Variants in C1orf141 observed in about 807,000 individuals in gnomAD.
C1orf141 encodes uncharacterized protein C1orf141.
In C1orf141, 19 loss-of-function variants were observed where a neutral mutation model predicts 23.2. That is an observed-to-expected ratio of 0.82 (90% confidence interval 0.57 to 1.20). The LOEUF is 1.20. Among genes scored for constraint, C1orf141 ranks in the 50% most tolerant of loss-of-function variants. The probability of loss-of-function intolerance (pLI) is 0.00; values close to 1 mark genes in which losing one functional copy is unlikely to be tolerated. For synonymous variants in C1orf141, 153 were observed against 154.6 expected (o/e 0.99, Z 0.08); for missense variants, 469 against 455.1 (o/e 1.03, Z -0.28).
intron 5 of C1orf141, among the ~76,000 whole-genome samples, chr1:67,100,241 C>T (rs1645766955): frequency 6.6e-6 from 1 of 152,102 alleles, no homozygotes; most frequent in Non-Finnish European, 1.5e-5. Flanking sequence ...GTGTTGGATA[C>T]CTGTTTTCTT....
In C1orf141 at chr1:67,093,253, G is replaced by T. The variant is rs1371743621; in HGVS notation, c.955C>A (p.Gln319Lys). Residue 319 changes from glutamine to lysine, a missense_variant, in exon 8 of 8, where the codon CAG becomes AAG. Around this residue, in one of 3 missense-constraint regions of C1orf141, gnomAD observed 370 missense variants for 348.1 expected, o/e 1.06. Coordinates refer to ENST00000684719, the MANE Select transcript of C1orf141 (RefSeq NM_001276351.2). ...RSWNTLYNFS[Q>K]NFSSLTKQFV... is the part of the protein sequence containing the mutation. ...TGTTTTGTTAGGCTAGAAAAATTCTGTGAGAAATTATAGAGTGTATTCCAA... is the reference window on the plus strand; with the variant it reads ...TGTTTTGTTAGGCTAGAAAAATTCTTTGAGAAATTATAGAGTGTATTCCAA... 1 of 1,613,840 alleles carries T rather than the reference G, an allele frequency of 6.2e-7. No homozygotes were observed.
At chr1:67,138,565 A>G (rs1329956156), upstream of C1orf141, among the ~76,000 whole-genome samples, 1 of 151,732 alleles carries the variant, frequency 6.6e-6, no homozygotes, top group African/African-American at 2.4e-5. Flanking sequence ...TTTCCTTCCT[A>G]GGCTTGACAT....
At chr1:67,096,897 A>G (rs1446506483) in intron 5 of C1orf141, among the ~76,000 whole-genome samples, 1 of 152,212 alleles carries the variant, frequency 6.6e-6, no homozygotes, top group African/African-American at 2.4e-5. Flanking sequence ...TTATTTGTAC[A>G]GTATACTGGA....
At position 67,115,132 on chromosome 1, in the gene C1orf141, T is replaced by C. The variant is rs571849107; in HGVS notation, c.346+220A>G. Among the ~76,000 whole-genome samples the C allele has an allele frequency of 5.6e-5, 7 of 124,726 alleles. 1 individual carries two copies. In the South Asian group the frequency reaches 1.7e-3, roughly 30 times the overall value. The allele number at this position is 124,726 out of a possible 152,430, so 81.8% of individuals were successfully genotyped here. A position where few individuals can be genotyped will look rare whatever the true frequency, so the allele number is the denominator to read the frequency against. Reference sequence around the variant, plus strand: ...TAGAAGAAAACAACACATAACACTATAAACATAAAAATATATTCCTATTTT... The same window carrying C: ...TAGAAGAAAACAACACATAACACTACAAACATAAAAATATATTCCTATTTT... On this transcript the variant is annotated intron_variant, in intron 5 of 7. Coordinates refer to ENST00000684719, the MANE Select transcript of C1orf141 (RefSeq NM_001276351.2).
intron 4 of C1orf141, among the ~76,000 whole-genome samples, chr1:67,121,242 A>T (rs1368740650): frequency 6.6e-6 from 1 of 152,206 alleles, no homozygotes; most frequent in South Asian, 2.1e-4. Context: ...TTGCTGAACC[A>T]AATAATAGTT....
chr1:67,126,515 T>C (rs182760336), intron 3 of C1orf141, among the ~76,000 whole-genome samples: 3 of 152,256 alleles, frequency 2.0e-5, no homozygotes, highest in South Asian at 4.1e-4. Flanking sequence ...TCAAAGGATA[T>C]GGGGGACTTC....
intron 5 of C1orf141, among the ~76,000 whole-genome samples, chr1:67,114,391 A>T (rs1234398691): frequency 6.6e-6 from 1 of 152,222 alleles, no homozygotes; most frequent in Non-Finnish European, 1.5e-5. Flanking sequence ...ACATTCAAAG[A>T]TAATAAGACA....
intron 6 of C1orf141, chr1:67,096,003 A>C (rs544573208): frequency 2.8e-5 from 8 of 282,640 alleles, no homozygotes; most frequent in Non-Finnish European, 5.4e-5. Context: ...ATGTAAGTAA[A>C]TGTGTGTATT....
Position 67,125,859 on chromosome 1 carries a change from C to T in C1orf141, c.126G>A (p.Leu42=). ...EGRKTTMAIP[L]TFDFQLEFEE... is the part of the protein sequence containing the mutation. The stretch of plus-strand genomic sequence containing the variant: ...CAAATTCCAACTGAAAATCAAATGT[C>T]AGGGGTATAGCCATAGTTGTTTTTC... Residue 42 remains leucine, a synonymous_variant, in exon 4 of 8, where the codon CTG becomes CTA. Transcript: ENST00000684719. The T allele has an allele frequency of 6.2e-7, 1 of 1,607,932 alleles. No individual in the cohort carries two copies. Among genetic ancestry groups the T allele is most frequent in the Non-Finnish European group, 8.5e-7 (1 of 1,178,906 alleles).
chr1:67,103,322 A>G (rs1558188677), intron 5 of C1orf141: 3 of 1,491,226 alleles, frequency 2.0e-6, no homozygotes, highest in Non-Finnish European at 2.7e-6. Flanking sequence ...GAACCCAGTG[A>G]TCTTCTACAT....
chr1:67,125,464 T>C (rs1469131683), intron 4 of C1orf141, among the ~76,000 whole-genome samples: 1 of 152,074 alleles, frequency 6.6e-6, no homozygotes, highest in African/African-American at 2.4e-5. Flanking sequence ...TTGGGAAGCC[T>C]AGGTGGGTGG....
chr1:67,102,126 C>T (rs761258233), intron 5 of C1orf141, among the ~76,000 whole-genome samples: 2 of 151,926 alleles, frequency 1.3e-5, no homozygotes, highest in South Asian at 2.1e-4. Context: ...TCATGTCTTG[C>T]GAAATCAATT....
At chr1:67,098,584 C>T (rs2102420421) in intron 5 of C1orf141, among the ~76,000 whole-genome samples, 1 of 152,074 alleles carries the variant, frequency 6.6e-6, no homozygotes, top group African/African-American at 2.4e-5. Context: ...ACAAAATCTA[C>T]AAGAGGGTCA....
intron 4 of C1orf141, among the ~76,000 whole-genome samples, chr1:67,124,251 A>C (rs1646359150): frequency 6.6e-6 from 1 of 152,238 alleles, no homozygotes; most frequent in Non-Finnish European, 1.5e-5. Flanking sequence ...GGCCTTAATC[A>C]GAATACTTAC....
At chr1:67,136,293 G>A (rs1330819767), upstream of C1orf141, among the ~76,000 whole-genome samples, 2 of 152,120 alleles carry the variant, frequency 1.3e-5, no homozygotes, top group Non-Finnish European at 2.9e-5. Context: ...CTCTTGCCTT[G>A]TTCTCCCAAA....
In C1orf141 at chr1:67,095,339, C is replaced by A; in HGVS notation, c.499G>T (p.Val167Leu). Residue 167 changes from valine (V) to leucine (L), a missense_variant, in exon 7 of 8, where the codon GTA becomes TTA. Coordinates refer to ENST00000684719, the MANE Select transcript of C1orf141 (RefSeq NM_001276351.2). ...AACGGGAGCAAGCTTTTCTTTCTTA[C>A]TGACCTATACTTACTTAATTGATAA... ...RNYQLSKYRS[V>L]RKKSLLPLCF... is the part of the protein sequence containing the mutation. The A allele has an allele frequency of 6.3e-7, 1 of 1,585,132 alleles. No homozygotes were observed. Among genetic ancestry groups the A allele is most frequent in the African/African-American group, 1.4e-5 (1 of 73,972 alleles).
chr1:67,123,785 T>G (rs556765846), intron 4 of C1orf141: 4 of 152,302 alleles, frequency 2.6e-5, no homozygotes, highest in African/African-American at 9.6e-5. Context: ...CCTGCCACGG[T>G]TTCATCAATG....
chr1:67,112,888 A>C (rs1646105974), intron 5 of C1orf141, among the ~76,000 whole-genome samples: 1 of 152,206 alleles, frequency 6.6e-6, no homozygotes, highest in Non-Finnish European at 1.5e-5. Context: ...AAGTTGCATG[A>C]ATAGAGTATT....
Position 67,096,235 on chromosome 1 carries a change from A to C in C1orf141, c.416+17T>G. 1 of 1,182,662 alleles carries C rather than the reference A, an allele frequency of 8.5e-7. No homozygotes were observed. The highest frequency in any genetic ancestry group is 1.2e-6 in the Non-Finnish European group (1 of 814,356). The allele number at this position is 1,182,662 out of a possible 1,614,324, so 73.3% of individuals were successfully genotyped here. On this transcript the variant is annotated intron_variant, in intron 6 of 7. Transcript: ENST00000684719. ...CATTAAACAGAACAAAGTATTAAGCATTTTAAAATAAATTACCTTTTATTT... is the reference window on the plus strand; with the variant it reads ...CATTAAACAGAACAAAGTATTAAGCCTTTTAAAATAAATTACCTTTTATTT...
Sources: gnomAD v4.1 joint callset for allele counts (sites outside exome capture counted in the v4.1 genomes callset) on GRCh38, gnomAD v4.1.1 for gene constraint, gnomAD v4.1.1 regional missense constraint, MANE v1.5 for transcripts, NCBI Gene and HGNC (gene_info 2026-07-23, HGNC 2026-07-21) for gene names.